CIB1: variants seen among roughly 807,000 people sequenced by gnomAD.
CIB1 encodes the protein calcium and integrin-binding protein 1.
CIB1 carries 19 observed loss-of-function variants against 25.0 expected under a neutral mutation model. The observed-to-expected ratio is 0.76, with a 90% confidence interval of 0.53 to 1.12. CIB1 has a LOEUF of 1.12. CIB1 is among the 50% of genes most tolerant of loss of function. The probability of loss-of-function intolerance (pLI) is 0.00; values close to 1 mark genes in which losing one functional copy is unlikely to be tolerated. For missense variants in CIB1, 236 were observed against 242.6 expected (o/e 0.97, Z 0.18); for synonymous variants, 104 against 98.5 (o/e 1.06, Z -0.33).
the CIB1 span, chr15:90,250,843 A>G: frequency 1.2e-6 from 2 of 1,614,084 alleles, no homozygotes; most frequent in African/African-American, 1.3e-5. Context: ...CAGTTGACAC[A>G]GGCGACTTAG....
chr15:90,252,704 A>G, the CIB1 span, among the ~76,000 whole-genome samples: 2 of 152,196 alleles, frequency 1.3e-5, no homozygotes, highest in South Asian at 4.1e-4. Flanking sequence ...TGATTGAGAG[A>G]TAAGACTGAC....
chr15:90,242,238 C>G, the CIB1 span: 112 of 390,662 alleles, frequency 2.9e-4, no homozygotes, highest in African/African-American at 2.3e-3. Flanking sequence ...TAGGCGTGCA[C>G]CACCACACAC....
At chr15:90,256,637 CCTT>C in the CIB1 span, among the ~76,000 whole-genome samples, 132 of 78,564 alleles carry the variant, frequency 1.7e-3, 1 homozygote, top group African/African-American at 7.8e-3. Flanking sequence ...TTCCTTCCTT[CCTT>C]CTTTCTTTCT....
chr15:90,240,905 C>T, the CIB1 span: 2 of 1,608,362 alleles, frequency 1.2e-6, no homozygotes, highest in South Asian at 2.2e-5. Context: ...TTCAGGTCAG[C>T]TCTATGGCTC....
the CIB1 span, among the ~76,000 whole-genome samples, chr15:90,253,003 A>G: frequency 1.3e-5 from 2 of 152,058 alleles, no homozygotes; most frequent in African/African-American, 4.8e-5. Flanking sequence ...TCTCTAAAAA[A>G]CAAACAAACA....
chr15:90,252,861 G>C, the CIB1 span, among the ~76,000 whole-genome samples: 1 of 152,128 alleles, frequency 6.6e-6, no homozygotes, highest in Non-Finnish European at 1.5e-5. Context: ...AAATTACCCA[G>C]GTGTGGTGGT....
the CIB1 span, chr15:90,256,410 C>A: frequency 3.0e-6 from 4 of 1,327,536 alleles, no homozygotes; most frequent in Non-Finnish European, 3.1e-6. Flanking sequence ...TTCCCACTAG[C>A]CCCGTTTTCC....
chr15:90,231,932 C>T (rs988176491), intron 3 of CIB1, among the ~76,000 whole-genome samples: 2 of 152,244 alleles, frequency 1.3e-5, no homozygotes, highest in East Asian at 1.9e-4. Flanking sequence ...CTCTAGAACA[C>T]GGTTCCTCAA....
the CIB1 span, among the ~76,000 whole-genome samples, chr15:90,253,063 G>A: frequency 6.6e-6 from 1 of 152,076 alleles, no homozygotes; most frequent in Non-Finnish European, 1.5e-5. Context: ...ATTTTGGAAG[G>A]GCCCTGACAG....
At chr15:90,257,074 AG>A in the CIB1 span, 501 of 1,481,220 alleles carry the variant, frequency 3.4e-4, 3 homozygotes, top group Admixed American at 3.6e-3. Flanking sequence ...TGAAGCACTT[AG>A]AACAGCACAT....
At chr15:90,263,450 G>A in the CIB1 span, 3 of 476,194 alleles carry the variant, frequency 6.3e-6, no homozygotes, top group Admixed American at 1.1e-4. Flanking sequence ...CAAATAACAA[G>A]CCCACCACCC....
the CIB1 span, chr15:90,264,691 A>G: frequency 1.4e-5 from 21 of 1,533,252 alleles, no homozygotes; most frequent in East Asian, 2.4e-5. Context: ...GTGAATACCA[A>G]CTCAGGGACA....
At chr15:90,255,520 C>T in the CIB1 span, among the ~76,000 whole-genome samples, 1 of 152,082 alleles carries the variant, frequency 6.6e-6, no homozygotes, top group Non-Finnish European at 1.5e-5. Flanking sequence ...TTCTCACTGC[C>T]CCTCATTTGC....
upstream of CIB1, among the ~76,000 whole-genome samples, chr15:90,236,956 T>A (rs2151638466): frequency 6.6e-6 from 1 of 151,472 alleles, no homozygotes; most frequent in East Asian, 2.0e-4. Context: ...ATACTTTTAT[T>A]TTTTATTTTA....
the CIB1 span, among the ~76,000 whole-genome samples, chr15:90,246,787 C>CAAAAAAAAAAAAAAAAAAAAAAA: frequency 4.4e-5 from 2 of 45,202 alleles, no homozygotes; most frequent in African/African-American, 7.6e-5. Flanking sequence ...GACTCTGTCT[C>CAAAAAAAAAAAAAAAAAAAAAAA]AAAAAAAAAA....
chr15:90,248,902 G>C, the CIB1 span, among the ~76,000 whole-genome samples: 7 of 152,236 alleles, frequency 4.6e-5, no homozygotes, highest in African/African-American at 1.2e-4. Context: ...GGAAGAGAAG[G>C]TGACAGTGAA....
the CIB1 span, chr15:90,258,793 A>G: frequency 6.2e-7 from 1 of 1,614,174 alleles, no homozygotes; most frequent in Non-Finnish European, 8.5e-7. Flanking sequence ...ATCAAGAAGT[A>G]AAGGATGCAC....
the CIB1 span, among the ~76,000 whole-genome samples, chr15:90,259,284 G>GGA: frequency 6.6e-6 from 1 of 152,062 alleles, no homozygotes; most frequent in African/African-American, 2.4e-5. Flanking sequence ...CAGCTACTCA[G>GGA]GAGGCTGAGG....
chr15:90,232,170 G>A lies in CIB1; in HGVS notation c.195+49C>T, dbSNP rs1229131064. 4.8e-6 allele frequency: 7 copies of A among 1,450,928 alleles called. No homozygotes were observed. The African/African-American group carries it at 7.0e-5, about 14-fold the overall frequency. The allele number at this position is 1,450,928 out of a possible 1,614,324, so 89.9% of individuals were successfully genotyped here. On this transcript the variant is annotated intron_variant, in intron 3 of 6. Coordinates refer to ENST00000328649, the MANE Select transcript of CIB1 (RefSeq NM_006384.4). ...GTGGCAGATGGAGTTAGGGGGTCTAGCAGGGAGGGAGTGGTGGGAGAGGTG... is the reference window on the plus strand; with the variant it reads ...GTGGCAGATGGAGTTAGGGGGTCTAACAGGGAGGGAGTGGTGGGAGAGGTG...
Sources: gnomAD v4.1 joint callset for allele counts (sites outside exome capture counted in the v4.1 genomes callset) on GRCh38, gnomAD v4.1.1 for gene constraint, MANE v1.5 for transcripts, NCBI Gene and HGNC (gene_info 2026-07-23, HGNC 2026-07-21) for gene names.